Variants in PCDHGA4 observed in about 807,000 individuals in gnomAD.
PCDHGA4 encodes the protein protocadherin gamma-A4.
Under a neutral mutation model 54.6 loss-of-function variants are expected in PCDHGA4, and 38 were observed. The ratio of observed to expected loss-of-function variants is 0.70; its 90% CI spans 0.54 to 0.91. PCDHGA4 has a LOEUF of 0.91. Ranked by LOEUF, PCDHGA4 falls within the 40% of genes least tolerant of loss-of-function variation. The pLI is 0.00. For synonymous variants in PCDHGA4, 511 were observed against 512.9 expected (o/e 1.00, Z 0.05); for missense variants, 1,298 against 1,220.9 (o/e 1.06, Z -0.94).
Position 141,490,198 on chromosome 5 carries a change from G to A in PCDHGA4, c.2515-4609G>A. ...GGAGTCACGTTTCTATGAAATTCAT[G>A]CAAGAGCCCGTGACCAGGGACAGCC... On this transcript the variant is annotated intron_variant, in intron 1 of 3. Coordinates refer to ENST00000571252, the MANE Select transcript of PCDHGA4 (RefSeq NM_018917.4). The surrounding 1 kb of genome is among the most constrained non-coding windows in gnomAD (Gnocchi z 5.4). The A allele has an allele frequency of 6.2e-7, 1 of 1,614,208 alleles. No homozygotes were observed. Among genetic ancestry groups the A allele is most frequent in the Non-Finnish European group, 8.5e-7 (1 of 1,180,038 alleles).
At chr5:141,387,772 T>G in intron 1 of PCDHGA4, 1 of 1,442,780 alleles carries the variant, frequency 6.9e-7, no homozygotes, top group Non-Finnish European at 9.2e-7. Flanking sequence ...GAATTTTTTC[T>G]TGAACTGGAA....
At chr5:141,426,398 C>A (rs1264385461) in intron 1 of PCDHGA4, 3 of 257,270 alleles carry the variant, frequency 1.2e-5, no homozygotes, top group Non-Finnish European at 2.3e-5. Context: ...TACTCTATTC[C>A]AGAAGAAACG....
chr5:141,356,667 C>T lies in PCDHGA4; in HGVS notation c.1560C>T (p.Tyr520=), dbSNP rs886604200. The T allele has an allele frequency of 6.2e-7, 1 of 1,613,920 alleles. No individual in the cohort carries two copies. Among genetic ancestry groups the T allele is most frequent in the Admixed American group, 1.7e-5 (1 of 60,010 alleles). ...PDSGDNARIT[Y]SLAEDTFQGA... ...GTGGTGACAATGCCCGAATCACTTA[C>T]TCCCTGGCCGAAGACACCTTCCAGG... Residue 520 remains tyrosine (Y), a synonymous_variant, in exon 1 of 4, where the codon TAC becomes TAT. Coordinates refer to ENST00000571252, the MANE Select transcript of PCDHGA4 (RefSeq NM_018917.4).
chr5:141,436,298 T>C (rs1480546595), intron 1 of PCDHGA4, among the ~76,000 whole-genome samples: 3 of 152,186 alleles, frequency 2.0e-5, no homozygotes, highest in Non-Finnish European at 4.4e-5. Flanking sequence ...CATTGAGAGT[T>C]AGAGCATGAA....
intron 1 of PCDHGA4, among the ~76,000 whole-genome samples, chr5:141,401,328 G>A (rs919361243): frequency 3.3e-5 from 5 of 151,962 alleles, no homozygotes; most frequent in Non-Finnish European, 7.4e-5. Context: ...GGCAACAAGA[G>A]CAAAACTCCA....
rs57426385 is a variant in PCDHGA4 at position 141,415,740 on chromosome 5, G to GTTTTT, written c.2514+58147_2514+58151dup. 865 of 624,308 alleles carry GTTTTT rather than the reference G, an allele frequency of 1.4e-3. 3 individuals carry two copies. Among genetic ancestry groups the GTTTTT allele is most frequent in the South Asian group, 2.2e-3 (75 of 34,868 alleles). The allele number at this position is 624,308 out of a possible 1,614,324, so 38.7% of individuals were successfully genotyped here. A position where few individuals can be genotyped will look rare whatever the true frequency, so the allele number is the denominator to read the frequency against. ...TGAGTAGAATTTGATGTTTATTAAG[G>GTTTTT]TTTTTTTTTTTTTTTTTTTTTTTTT... is the stretch of plus-strand genomic sequence containing the variant. On this transcript the variant is annotated intron_variant, in intron 1 of 3. Transcript: ENST00000571252.
intron 1 of PCDHGA4, chr5:141,372,617 C>A: frequency 6.2e-7 from 1 of 1,614,010 alleles, no homozygotes; most frequent in South Asian, 1.1e-5. Flanking sequence ...GAGTTCTCCC[C>A]ACCTACAGCG....
chr5:141,365,164 C>T lies in PCDHGA4; in HGVS notation c.2514+7543C>T, dbSNP rs548514157. The T allele has an allele frequency of 2.2e-5, 35 of 1,613,882 alleles. No individual in the cohort carries two copies. The East Asian group carries it at 7.1e-4, about 33-fold the overall frequency. On this transcript the variant is annotated intron_variant, in intron 1 of 3. Coordinates refer to ENST00000571252, the MANE Select transcript of PCDHGA4 (RefSeq NM_018917.4). ...ATGAGGGAATAAACGGGAAATTGAC[C>T]TACTCTTTTCGCAATGAAGAAGAAA...
Position 141,485,730 on chromosome 5 carries a change from G to A in PCDHGA4, c.2515-9077G>A. On this transcript the variant is annotated intron_variant, in intron 1 of 3. Coordinates refer to ENST00000571252, the MANE Select transcript of PCDHGA4 (RefSeq NM_018917.4). This position sits in a 1 kb window ranked among gnomAD's most constrained non-coding sequence, Gnocchi z 5.7. ...TTTGCACTGGATGTGAAGAAGCGCA[G>A]CGACGGCAGCCTGGTCCCAGAGCTG... is the stretch of plus-strand genomic sequence containing the variant. 1 of 1,614,200 alleles carries A rather than the reference G, an allele frequency of 6.2e-7. No individual in the cohort carries two copies. Among genetic ancestry groups the A allele is most frequent in the Non-Finnish European group, 8.5e-7 (1 of 1,180,024 alleles).
chr5:141,419,999 C>T (rs369649545), intron 1 of PCDHGA4: 4 of 1,613,960 alleles, frequency 2.5e-6, no homozygotes, highest in Non-Finnish European at 3.4e-6. Flanking sequence ...TATTGCTCTA[C>T]GCCTGCGACA....
chr5:141,402,937 C>A, intron 1 of PCDHGA4: 2 of 1,588,498 alleles, frequency 1.3e-6, no homozygotes, highest in Non-Finnish European at 1.7e-6. Flanking sequence ...TGAGAAAATT[C>A]CAAAGCGAGG....
rs994881086 is a variant in PCDHGA4, at chr5:141,417,704, A to C, written c.2514+60083A>C. 1.0e-4 allele frequency: 125 copies of C among 1,207,342 alleles called. 3 individuals are homozygous for C. In the East Asian group the frequency reaches 2.7e-3, roughly 26 times the overall value. The allele number at this position is 1,207,342 out of a possible 1,614,324, so 74.8% of individuals were successfully genotyped here. Reference sequence around the variant, plus strand: ...CAGAAAAGAAAACCAGCTCCCACACAGAGGCTCCCGGCTGCGCAGACCTTG... The same window carrying C: ...CAGAAAAGAAAACCAGCTCCCACACCGAGGCTCCCGGCTGCGCAGACCTTG... On this transcript the variant is annotated intron_variant, in intron 1 of 3. Transcript: ENST00000571252.
chr5:141,407,406 C>T (rs971404616), intron 1 of PCDHGA4, among the ~76,000 whole-genome samples: 2 of 152,090 alleles, frequency 1.3e-5, no homozygotes, highest in East Asian at 3.8e-4. Flanking sequence ...AGTTACTATT[C>T]GATACCACAA....
At chr5:141,452,084 C>CGG (rs1561946918) in intron 1 of PCDHGA4, among the ~76,000 whole-genome samples, 1 of 152,170 alleles carries the variant, frequency 6.6e-6, no homozygotes, top group Non-Finnish European at 1.5e-5. Context: ...TGGCATTATA[C>CGG]AGTAAGAAAG....
At chr5:141,358,290 T>C (rs528714629) in intron 1 of PCDHGA4, among the ~76,000 whole-genome samples, 1 of 152,258 alleles carries the variant, frequency 6.6e-6, no homozygotes, top group African/African-American at 2.4e-5. Context: ...AAGGCAATTG[T>C]GTAAATTCAC....
intron 2 of PCDHGA4, among the ~76,000 whole-genome samples, chr5:141,497,920 C>T (rs548251626): frequency 6.6e-6 from 1 of 152,336 alleles, no homozygotes; most frequent in East Asian, 1.9e-4. Flanking sequence ...CTCCTTCATT[C>T]ATTCAACAAA....
At chr5:141,492,447 T>G (rs920078908) in intron 1 of PCDHGA4, among the ~76,000 whole-genome samples, 13 of 152,300 alleles carry the variant, frequency 8.5e-5, no homozygotes, top group Middle Eastern at 3.4e-3. Context: ...CGTAGCTGAT[T>G]GTGCGCGCCT....
intron 1 of PCDHGA4, among the ~76,000 whole-genome samples, chr5:141,448,706 C>T (rs1344013319): frequency 1.3e-5 from 2 of 151,730 alleles, no homozygotes; most frequent in African/African-American, 2.4e-5. Flanking sequence ...TTTGGGAGGC[C>T]GAGGCGGGAG....
At chr5:141,381,782 A>G (rs940671211) in intron 1 of PCDHGA4, among the ~76,000 whole-genome samples, 1 of 150,898 alleles carries the variant, frequency 6.6e-6, no homozygotes, top group African/African-American at 2.5e-5. Context: ...AATCAGGAAC[A>G]AGGCAAGGCA....
Sources: allele counts gnomAD v4.1 joint callset (sites outside exome capture counted in the v4.1 genomes callset), GRCh38; gene constraint gnomAD v4.1.1; non-coding constraint Gnocchi (gnomAD v3.1); transcripts MANE v1.5; gene names NCBI Gene and HGNC (gene_info 2026-07-23, HGNC 2026-07-21).